The following IL1RAPL1 variants were observed in gnomAD, a reference collection of about 807,000 sequenced individuals.
IL1RAPL1 encodes the protein interleukin 1 receptor accessory protein like 1.
IL1RAPL1 carries 3 observed loss-of-function variants against 48.4 expected under a neutral mutation model. That is an observed-to-expected ratio of 0.06 (90% CI 0.03 to 0.16). The LOEUF (loss-of-function observed/expected upper bound fraction) is 0.16, where lower values mean the gene tolerates loss of function less well. Among genes scored for constraint, IL1RAPL1 ranks in the 10% least tolerant of loss-of-function variants. The probability of loss-of-function intolerance (pLI) is 1.00; values close to 1 mark genes in which losing one functional copy is unlikely to be tolerated. For missense variants in IL1RAPL1, 349 were observed against 530.6 expected (o/e 0.66, Z 3.36); for synonymous variants, 185 against 187.7 (o/e 0.99, Z 0.12).
At chrX:28,771,197 C>T (rs1244034708) in intron 1 of IL1RAPL1, among the ~76,000 whole-genome samples, 1 of 111,564 alleles carries the variant, frequency 9.0e-6, no homozygotes, top group Non-Finnish European at 1.9e-5. Context: ...GAAGTTTCTA[C>T]CATCTCCACT....
chrX:29,802,910 T>C (rs1216748229), intron 6 of IL1RAPL1, among the ~76,000 whole-genome samples: 31 of 54,987 alleles, frequency 5.6e-4, no homozygotes, highest in Non-Finnish European at 9.9e-4. Flanking sequence ...TATGTGTATA[T>C]ATGTGTACAT....
At chrX:29,668,646 C>A in intron 6 of IL1RAPL1, 142 bp downstream of exon 6, 1 of 521,447 alleles carries the variant, frequency 1.9e-6, no homozygotes, top group South Asian at 2.6e-5. Flanking sequence ...TGCTAGCATA[C>A]CTAGCCATTT....
chrX:28,682,671 T>G (rs996732352), intron 1 of IL1RAPL1, among the ~76,000 whole-genome samples: 1 of 111,372 alleles, frequency 9.0e-6, no homozygotes, highest in South Asian at 3.8e-4. Context: ...GCTGTGGGTA[T>G]TGTCTGATAA....
chrX:29,920,115 T>C (rs1248700337), intron 8 of IL1RAPL1, 21 bp downstream of exon 8: 2 of 1,209,133 alleles, frequency 1.7e-6, no homozygotes, highest in South Asian at 1.8e-5. Context: ...CCTTCTAAGC[T>C]TCGGTGGTCA....
intron 2 of IL1RAPL1, among the ~76,000 whole-genome samples, chrX:28,805,168 G>A (rs1351352902): frequency 1.8e-5 from 2 of 110,743 alleles, no homozygotes; most frequent in African/African-American, 6.6e-5. Flanking sequence ...GCCAGTAACA[G>A]CAGGAATAAA....
In IL1RAPL1 at chrX:29,286,681, C is replaced by A. The variant is rs773407007; in HGVS notation, c.362+3464C>A. Among the ~76,000 whole-genome samples, 5 of 111,568 alleles carry A rather than the reference C, an allele frequency of 4.5e-5. No homozygotes were observed. In the Admixed American group the frequency reaches 4.8e-4, roughly 11 times the overall value. ...TTCTGCCTGGGCAACAGAGCAAGACCTTGTCTCTTAAAAATGAAATGAAAT... is the reference window on the plus strand; with the variant it reads ...TTCTGCCTGGGCAACAGAGCAAGACATTGTCTCTTAAAAATGAAATGAAAT... On this transcript the variant is annotated intron_variant, in intron 3 of 10. Transcript: ENST00000378993.
intron 6 of IL1RAPL1, among the ~76,000 whole-genome samples, chrX:29,757,468 G>A (rs767586846): frequency 8.9e-5 from 10 of 111,885 alleles, no homozygotes; most frequent in Admixed American, 5.7e-4. Context: ...CATGCAAATC[G>A]TATCAAGAAG....
chrX:29,008,635 T>C (rs755148461), intron 2 of IL1RAPL1, among the ~76,000 whole-genome samples: 1 of 112,422 alleles, frequency 8.9e-6, no homozygotes, highest in South Asian at 3.7e-4. Flanking sequence ...TGTCAATTTT[T>C]CTTTTTCAAT....
chrX:29,069,892 G>A (rs1197650133), intron 2 of IL1RAPL1, among the ~76,000 whole-genome samples: 2 of 111,687 alleles, frequency 1.8e-5, no homozygotes, highest in Non-Finnish European at 3.8e-5. Context: ...CACATGGGGT[G>A]TGTAGATTTA....
At chrX:29,364,891 T>C (rs183753792) in intron 3 of IL1RAPL1, among the ~76,000 whole-genome samples, 1 of 111,699 alleles carries the variant, frequency 9.0e-6, no homozygotes, top group East Asian at 2.8e-4. Flanking sequence ...GTATAGACTT[T>C]TATATATGTA....
At chrX:29,217,915 A>G (rs953739384) in intron 2 of IL1RAPL1, among the ~76,000 whole-genome samples, 2 of 110,858 alleles carry the variant, frequency 1.8e-5, no homozygotes, top group Non-Finnish European at 3.8e-5. Context: ...GAAAAATCTG[A>G]GATTAAAAAA....
intron 2 of IL1RAPL1, among the ~76,000 whole-genome samples, chrX:29,072,135 A>C (rs1424045369): frequency 1.8e-5 from 2 of 110,374 alleles, no homozygotes; most frequent in African/African-American, 6.6e-5. Context: ...CCATTAAATA[A>C]AGTATGTATT....
intron 2 of IL1RAPL1, among the ~76,000 whole-genome samples, chrX:29,261,433 G>C (rs1410487739): frequency 1.8e-5 from 2 of 110,656 alleles, no homozygotes; most frequent in East Asian, 2.8e-4. Context: ...ATCTTCCTTG[G>C]AGACATGTTC....
At chrX:28,671,580 T>C (rs1047027586) in intron 1 of IL1RAPL1, among the ~76,000 whole-genome samples, 2 of 112,113 alleles carry the variant, frequency 1.8e-5, no homozygotes, top group Non-Finnish European at 3.8e-5. Flanking sequence ...ATGAACAAAC[T>C]GTGGAAGCTT....
At chrX:29,272,003 G>A (rs751016166) in intron 2 of IL1RAPL1, among the ~76,000 whole-genome samples, 85 of 111,827 alleles carry the variant, frequency 7.6e-4, no homozygotes, top group African/African-American at 2.7e-3. Context: ...AGAATGGAAT[G>A]TCCTAGATTA....
At chrX:29,861,738 T>C (rs1931589148) in intron 6 of IL1RAPL1, among the ~76,000 whole-genome samples, 1 of 111,285 alleles carries the variant, frequency 9.0e-6, no homozygotes, top group African/African-American at 3.3e-5. Flanking sequence ...ATAAACTGCA[T>C]TTCTCAGAGG....
intron 1 of IL1RAPL1, among the ~76,000 whole-genome samples, chrX:28,590,782 G>T (rs1425656087): frequency 8.9e-6 from 1 of 111,809 alleles, no homozygotes. Flanking sequence ...CAGGGCATAG[G>T]TTTTCTAAGC....
At chrX:28,714,772 T>C (rs1935482818) in intron 1 of IL1RAPL1, among the ~76,000 whole-genome samples, 1 of 112,180 alleles carries the variant, frequency 8.9e-6, no homozygotes, top group Admixed American at 9.5e-5. Context: ...AAGTTATTAG[T>C]GGTATGGATG....
chrX:29,026,240 G>A (rs2147405502), intron 2 of IL1RAPL1, among the ~76,000 whole-genome samples: 1 of 111,722 alleles, frequency 9.0e-6, no homozygotes, highest in African/African-American at 3.3e-5. Flanking sequence ...TAAATGCTAG[G>A]TAGTGTGACT....
Sources: allele counts gnomAD v4.1 joint callset (sites outside exome capture counted in the v4.1 genomes callset), GRCh38; gene constraint gnomAD v4.1.1; transcripts MANE v1.5; gene names NCBI Gene and HGNC (gene_info 2026-07-23, HGNC 2026-07-21).